CCDC3: variants seen among roughly 807,000 people sequenced by gnomAD.
CCDC3 encodes coiled-coil domain-containing protein 3.
A neutral mutation model predicts 21.4 loss-of-function variants in CCDC3; 24 were observed. The observed-to-expected ratio is 1.12, with a 90% CI of 0.81 to 1.58. CCDC3 has a LOEUF of 1.58. Among genes scored for constraint, CCDC3 ranks in the 40% most tolerant of loss-of-function variants. The probability of loss-of-function intolerance (pLI) is 0.00; values close to 1 mark genes in which losing one functional copy is unlikely to be tolerated. For synonymous variants in CCDC3, 186 were observed against 166.0 expected, an observed-to-expected ratio of 1.12 and a Z score of -0.93; for missense variants, 425 against 360.9, an observed-to-expected ratio of 1.18 and a Z score of -1.44.
intron 2 of CCDC3, among the ~76,000 whole-genome samples, chr10:12,972,531 T>C (rs1405783488): frequency 2.0e-5 from 3 of 152,090 alleles, no homozygotes; most frequent in Non-Finnish European, 2.9e-5. Context: ...AAATGAGAAA[T>C]TGGGCCAGGC....
intron 1 of CCDC3, among the ~76,000 whole-genome samples, chr10:12,999,721 T>C (rs560882395): frequency 3.9e-5 from 6 of 152,364 alleles, no homozygotes; most frequent in Middle Eastern, 3.4e-3. Context: ...ACAAACTGTA[T>C]TTCATGATAA....
chr10:13,062,634 G>A (rs1836771288), intron 4 of CCDC3, among the ~76,000 whole-genome samples: 1 of 152,158 alleles, frequency 6.6e-6, no homozygotes, highest in African/African-American at 2.4e-5. Flanking sequence ...GGGGTAGGCT[G>A]AACTAACTTT....
chr10:12,974,942 C>T (rs371497291), intron 2 of CCDC3, among the ~76,000 whole-genome samples: 7 of 152,358 alleles, frequency 4.6e-5, no homozygotes, highest in African/African-American at 1.4e-4. Context: ...GTTTTCTACA[C>T]ATACACATTC....
chr10:13,054,720 G>A (rs914803523), intron 4 of CCDC3, among the ~76,000 whole-genome samples: 7 of 151,914 alleles, frequency 4.6e-5, no homozygotes, highest in African/African-American at 9.7e-5. Context: ...CAGGCTGGAG[G>A]GCAGTGGTGT....
chr10:13,096,801 A>G (rs1328147103), intron 3 of CCDC3, among the ~76,000 whole-genome samples: 1 of 152,148 alleles, frequency 6.6e-6, no homozygotes, highest in East Asian at 1.9e-4. Flanking sequence ...CTGAGGCTTG[A>G]GTCCTTGATG....
rs193189407 is a variant in CCDC3 at position 12,932,015 on chromosome 10, C to T, written c.550-33336G>A. On this transcript the variant is annotated intron_variant, in intron 2 of 2. Transcript: ENST00000378825. ...TCCTGTTCCCACATATGTGCAACCT[C>T]CCCTCCTATGGATGTCCTGACACTA... Among the ~76,000 whole-genome samples, 322 of 152,320 alleles carry T rather than the reference C, an allele frequency of 2.1e-3. 1 individual carries two copies. Among genetic ancestry groups the T allele is most frequent in the African/African-American group, 7.4e-3 (308 of 41,574 alleles).
chr10:13,035,539 C>T (rs1836367334), intron 5 of CCDC3, among the ~76,000 whole-genome samples: 1 of 152,134 alleles, frequency 6.6e-6, no homozygotes, highest in Admixed American at 6.6e-5. Flanking sequence ...GTGGTTAAAC[C>T]TGTGAGTTAG....
At chr10:12,923,852 G>T (rs1834492922) in intron 2 of CCDC3, among the ~76,000 whole-genome samples, 1 of 152,192 alleles carries the variant, frequency 6.6e-6, no homozygotes, top group African/African-American at 2.4e-5. Flanking sequence ...GACAACCTCT[G>T]CTGTCATGTG....
chr10:13,021,791 T>A (rs1038264381), intron 5 of CCDC3, among the ~76,000 whole-genome samples: 12 of 152,100 alleles, frequency 7.9e-5, no homozygotes, highest in Non-Finnish European at 1.8e-4. Flanking sequence ...GGAGAGTGAG[T>A]TTAGCTCTAT....
At chr10:13,006,777 C>T (rs781095314) in intron 5 of CCDC3, among the ~76,000 whole-genome samples, 8 of 152,074 alleles carry the variant, frequency 5.3e-5, no homozygotes, top group Non-Finnish European at 1.2e-4. Context: ...AGTCAAAAGG[C>T]TCTGTGTCTA....
At chr10:13,083,279 C>T (rs898331832) in intron 3 of CCDC3, among the ~76,000 whole-genome samples, 1 of 152,172 alleles carries the variant, frequency 6.6e-6, no homozygotes, top group Non-Finnish European at 1.5e-5. Flanking sequence ...ATTTCATCAA[C>T]CAGAAAAGCT....
In CCDC3 at chr10:13,092,726, C is replaced by A. The variant is rs1435346879; in HGVS notation, c.-503+5799G>T. 3.3e-5 allele frequency among the ~76,000 whole-genome samples: 5 copies of A among 152,304 alleles called. No homozygotes were observed. In the South Asian group the frequency reaches 1.0e-3, roughly 32 times the overall value. The stretch of plus-strand genomic sequence containing the variant: ...AAGATATAGCAGCTGGAGAAGTGAA[C>A]CATAGGCCTTAGGAAAGAAAGAAGC... On this transcript the variant is annotated intron_variant, in intron 3 of 6. Coordinates refer to the CCDC3 transcript ENST00000378839.
intron 5 of CCDC3, among the ~76,000 whole-genome samples, chr10:13,007,180 G>A (rs759064074): frequency 2.0e-5 from 3 of 152,120 alleles, no homozygotes; most frequent in Admixed American, 6.5e-5. Context: ...CATTGCTGTC[G>A]TGAAGGAAAT....
chr10:13,065,272 T>C (rs1414781858), intron 4 of CCDC3, among the ~76,000 whole-genome samples: 1 of 152,196 alleles, frequency 6.6e-6, no homozygotes, highest in Admixed American at 6.5e-5. Context: ...ATGTTTAGTG[T>C]TTTTAACTTT....
intron 4 of CCDC3, among the ~76,000 whole-genome samples, chr10:13,064,542 T>A (rs2131435020): frequency 6.6e-6 from 1 of 152,244 alleles, no homozygotes; most frequent in South Asian, 2.1e-4. Flanking sequence ...TTATACATTC[T>A]AGGGAGCCAT....
intron 2 of CCDC3, among the ~76,000 whole-genome samples, chr10:12,913,655 T>C (rs903313225): frequency 6.6e-6 from 1 of 152,280 alleles, no homozygotes; most frequent in East Asian, 1.9e-4. Context: ...CTTTGTCTTA[T>C]TCCTGATCTT....
At chr10:13,087,022 G>C (rs1278368451) in intron 3 of CCDC3, among the ~76,000 whole-genome samples, 1 of 152,198 alleles carries the variant, frequency 6.6e-6, no homozygotes, top group Non-Finnish European at 1.5e-5. Flanking sequence ...CATCTTCTCA[G>C]CTGTATCCTA....
chr10:13,070,939 C>A (rs371124973), intron 4 of CCDC3, among the ~76,000 whole-genome samples: 1 of 152,152 alleles, frequency 6.6e-6, no homozygotes, highest in African/African-American at 2.4e-5. Context: ...TTTAGACGAA[C>A]CCTGCTTGTT....
intron 3 of CCDC3, among the ~76,000 whole-genome samples, chr10:13,080,355 T>C (rs1837022654): frequency 6.6e-6 from 1 of 152,186 alleles, no homozygotes; most frequent in South Asian, 2.1e-4. Flanking sequence ...ATGTCAAAGA[T>C]TGTCTGTGAA....
Sources: gnomAD v4.1 joint callset for allele counts (sites outside exome capture counted in the v4.1 genomes callset) on GRCh38, gnomAD v4.1.1 for gene constraint, MANE v1.5 for transcripts, NCBI Gene and HGNC (gene_info 2026-07-23, HGNC 2026-07-21) for gene names.